Variants in C18orf63 observed in about 807,000 individuals in gnomAD.
C18orf63 encodes uncharacterized protein C18orf63.
A neutral mutation model predicts 75.3 loss-of-function variants in C18orf63; 50 were observed. The observed-to-expected ratio is 0.66, with a 90% CI of 0.53 to 0.84. The LOEUF (loss-of-function observed/expected upper bound fraction) is 0.84. Among genes scored for constraint, C18orf63 ranks in the 40% least tolerant of loss-of-function variants. C18orf63 has a pLI of 0.00. For synonymous variants in C18orf63, 232 were observed against 267.6 expected, an observed-to-expected ratio of 0.87 and a Z score of 1.30; for missense variants, 732 against 800.2, an observed-to-expected ratio of 0.91 and a Z score of 1.03.
intron 11 of C18orf63, among the ~76,000 whole-genome samples, chr18:74,345,714 G>A (rs982785894): frequency 4.6e-5 from 7 of 152,032 alleles, no homozygotes; most frequent in Non-Finnish European, 7.4e-5. Context: ...GTCTTTGTGT[G>A]TATGGTATTG....
At chr18:74,345,161 A>G (rs1361296292) in intron 11 of C18orf63, among the ~76,000 whole-genome samples, 1 of 151,962 alleles carries the variant, frequency 6.6e-6, no homozygotes, top group South Asian at 2.1e-4. Context: ...ATCTTTTCAC[A>G]TGTATTTTGG....
chr18:74,353,911 T>C lies in C18orf63; in HGVS notation c.1644T>C (p.Phe548=), dbSNP rs532688570. The change falls in exon 12 of 14, where the codon TTT becomes TTC. Residue 548 remains phenylalanine (F), a synonymous_variant. Coordinates refer to ENST00000579455, the MANE Select transcript of C18orf63 (RefSeq NM_001174123.2). ...KNKQLSNSAV[F]VVSNNNLGVV... ...AGCAACTATCTAATAGTGCAGTATT[T>C]GTGGTGTCAAATAACAATTTAGGGG... 1.2e-5 allele frequency: 18 copies of C among 1,536,060 alleles called. No individual in the cohort carries two copies. The African/African-American group carries it at 2.5e-4, about 21-fold the overall frequency.
At position 74,315,914 on chromosome 18, in the gene C18orf63, C is replaced by T. The variant is rs78794091; in HGVS notation, c.-228C>T. On this transcript the variant is annotated 5_prime_UTR_variant, in exon 1 of 14. Coordinates refer to ENST00000579455, the MANE Select transcript of C18orf63 (RefSeq NM_001174123.2). ...GCAGCGAGGAGGGAGCTGAGGCACG[C>T]GGGCTCTCAATCGACGCCCCACAGA... 3,080 of 152,466 alleles carry T rather than the reference C, an allele frequency of 0.02. 50 individuals carry two copies. Among genetic ancestry groups the T allele is most frequent in the Non-Finnish European group, 0.033 (2,280 of 68,204 alleles). The allele number at this position is 152,466 out of a possible 1,614,324, so 9.4% of individuals were successfully genotyped here.
In C18orf63 at chr18:74,353,832, T is replaced by C. The variant is rs895022836; in HGVS notation, c.1565T>C (p.Met522Thr). Residue 522 changes from methionine to threonine, a missense_variant, in exon 12 of 14, where the codon ATG (methionine) becomes ACG (threonine). Met to Thr is a moderately conservative substitution (Grantham distance 81). Coordinates refer to ENST00000579455, the MANE Select transcript of C18orf63 (RefSeq NM_001174123.2). ...QEKNTESSEN[M>T]TKFPSSRGKS... Reference sequence around the variant, plus strand: ...AAAAATACAGAGTCTTCTGAAAATATGACAAAATTTCCCTCTTCTCGTGGA... The same window carrying C: ...AAAAATACAGAGTCTTCTGAAAATACGACAAAATTTCCCTCTTCTCGTGGA... 6 of 1,535,900 alleles carry C rather than the reference T, an allele frequency of 3.9e-6. No individual in the cohort carries two copies. The African/African-American group carries it at 5.5e-5, about 14-fold the overall frequency.
intron 2 of C18orf63, among the ~76,000 whole-genome samples, chr18:74,319,685 T>A (rs1324476489): frequency 6.6e-6 from 1 of 152,228 alleles, no homozygotes; most frequent in Admixed American, 6.5e-5. Context: ...AAGTGGTTGG[T>A]AACTTCACTG....
rs1984703468 is a variant in C18orf63, at chr18:74,353,397, C to A, written c.1130C>A (p.Pro377Gln). The change falls in exon 12 of 14, where the codon CCA becomes CAA. Residue 377 changes from proline (P) to glutamine (Q), a missense_variant. Transcript: ENST00000579455. The part of the protein sequence containing the change: ...DHKVELSVSQ[P>Q]TSGIFSALHL... ...AAGGTGGAGCTTTCAGTCAGCCAGC[C>A]AACATCAGGCATTTTCTCAGCTTTG... is the stretch of plus-strand genomic sequence containing the variant. 3.3e-6 allele frequency: 5 copies of A among 1,536,296 alleles called. No individual in the cohort carries two copies. The Admixed American group carries it at 9.8e-5, about 30-fold the overall frequency.
At chr18:74,341,761 A>C (rs998939732) in intron 8 of C18orf63, among the ~76,000 whole-genome samples, 6 of 152,198 alleles carry the variant, frequency 3.9e-5, no homozygotes, top group African/African-American at 9.7e-5. Context: ...GAGTAAATGC[A>C]TGTTAATTAG....
chr18:74,328,835 T>C (rs1024900519), intron 5 of C18orf63, among the ~76,000 whole-genome samples, 160 bp from the exon 6 acceptor site: 2 of 152,246 alleles, frequency 1.3e-5, no homozygotes, highest in African/African-American at 4.8e-5. Flanking sequence ...TTTTGAATGA[T>C]TATATTTTTT....
In C18orf63 at chr18:74,329,955, C is replaced by G. The variant is rs570216407; in HGVS notation, c.425-911C>G. ...TAGCCTTAAAATCCTGACCTGTAATCTACAGCTATTAGATCTGGGTTGACT... is the reference window on the plus strand; with the variant it reads ...TAGCCTTAAAATCCTGACCTGTAATGTACAGCTATTAGATCTGGGTTGACT... On this transcript the variant is annotated intron_variant, in intron 6 of 13. Coordinates refer to ENST00000579455, the MANE Select transcript of C18orf63 (RefSeq NM_001174123.2). Among the ~76,000 whole-genome samples, 3 of 152,256 alleles carry G rather than the reference C, an allele frequency of 2.0e-5. No homozygotes were observed. The East Asian group carries it at 5.8e-4, about 29-fold the overall frequency.
At chr18:74,328,182 G>A (rs1568235848) in intron 5 of C18orf63, 124 bp downstream of exon 5, 1 of 616,892 alleles carries the variant, frequency 1.6e-6, no homozygotes, top group Non-Finnish European at 2.8e-6. Flanking sequence ...TAAAGGAAAG[G>A]TTTAGTGGAT....
chr18:74,347,666 T>C (rs1392158279), intron 11 of C18orf63, among the ~76,000 whole-genome samples: 1 of 152,208 alleles, frequency 6.6e-6, no homozygotes, highest in African/African-American at 2.4e-5. Context: ...CTAGACCATA[T>C]ACATGTTAAC....
chr18:74,353,641 A>T lies in C18orf63; in HGVS notation c.1374A>T (p.Arg458Ser), dbSNP rs1984708881. The T allele has an allele frequency of 6.5e-7, 1 of 1,536,086 alleles. No homozygotes were observed. Among genetic ancestry groups the T allele is most frequent in the Non-Finnish European group, 8.7e-7 (1 of 1,146,932 alleles). The change falls in exon 12 of 14, where the codon AGA becomes AGT. Residue 458 changes from arginine to serine, a missense_variant. Arg to Ser is a moderately radical substitution (Grantham distance 110). Coordinates refer to ENST00000579455, the MANE Select transcript of C18orf63 (RefSeq NM_001174123.2). ...KNTSVLGSPK[R>S]KQHDVTQSKL... ...CCTCAGTACTTGGCAGCCCAAAAAG[A>T]AAACAGCATGATGTGACACAATCTA... is the stretch of plus-strand genomic sequence containing the variant.
intron 3 of C18orf63, 139 bp from the exon 4 acceptor site, chr18:74,322,559 T>G: frequency 3.2e-6 from 1 of 308,628 alleles, no homozygotes; most frequent in Non-Finnish European, 5.9e-6. Flanking sequence ...TCATCACTTC[T>G]TCTCCAAGGC....
chr18:74,346,620 A>G (rs766975995), intron 11 of C18orf63, among the ~76,000 whole-genome samples: 10 of 152,232 alleles, frequency 6.6e-5, no homozygotes, highest in Non-Finnish European at 1.3e-4. Flanking sequence ...AGAATCTGGA[A>G]GAAGATATGT....
At chr18:74,338,234 T>G (rs1984423653) in intron 7 of C18orf63, among the ~76,000 whole-genome samples, 1 of 152,016 alleles carries the variant, frequency 6.6e-6, no homozygotes, top group South Asian at 2.1e-4. Context: ...GGGAAGAAAG[T>G]GTTCTAGGAA....
At chr18:74,344,490 C>A (rs961190996) in intron 11 of C18orf63, among the ~76,000 whole-genome samples, 4 of 148,342 alleles carry the variant, frequency 2.7e-5, no homozygotes, top group Non-Finnish European at 4.4e-5. Context: ...AAACATAGAA[C>A]CTTGCCAGGA....
chr18:74,322,737 G>GA lies in C18orf63; in HGVS notation c.258dup (p.Tyr87IlefsTer4). On this transcript the variant is annotated frameshift_variant, in exon 4 of 14. Coordinates refer to ENST00000579455, the MANE Select transcript of C18orf63 (RefSeq NM_001174123.2). LOFTEE classifies it high-confidence loss of function. ...AGCAAGAAAACTTAATGCCTATGTT[G>GA]AAAAATATGGAGCTAAGGTAAGTGT... is the stretch of plus-strand genomic sequence containing the variant. 1 of 1,341,608 alleles carries GA rather than the reference G, an allele frequency of 7.5e-7. No homozygotes were observed. The highest frequency in any genetic ancestry group is 1.0e-6 in the Non-Finnish European group (1 of 990,332). 83.1% of individuals were successfully genotyped at this position (1,341,608 alleles called of 1,614,324 possible).
intron 11 of C18orf63, among the ~76,000 whole-genome samples, chr18:74,345,580 T>A (rs1247637387): frequency 6.6e-6 from 1 of 152,140 alleles, no homozygotes; most frequent in Admixed American, 6.5e-5. Flanking sequence ...GTCAGATTTC[T>A]TTAATATGGA....
chr18:74,356,156 G>T (rs1984760955), intron 13 of C18orf63, among the ~76,000 whole-genome samples: 1 of 152,146 alleles, frequency 6.6e-6, no homozygotes, highest in South Asian at 2.1e-4. Context: ...TGGGGTACAA[G>T]TGCAACTTTG....
Sources: allele counts gnomAD v4.1 joint callset (sites outside exome capture counted in the v4.1 genomes callset), GRCh38; gene constraint gnomAD v4.1.1; transcripts MANE v1.5; gene names NCBI Gene and HGNC (gene_info 2026-07-23, HGNC 2026-07-21).